Variants in IL12RB1 observed in about 807,000 individuals in gnomAD.
IL12RB1 encodes the protein interleukin 12 receptor subunit beta 1, also known as interleukin-12 receptor subunit beta-1.
In IL12RB1, 64 loss-of-function variants were observed where a neutral mutation model predicts 94.4. That is an observed-to-expected ratio of 0.68 (90% CI 0.55 to 0.83). IL12RB1 has a LOEUF of 0.83. IL12RB1 is among the 40% of genes least tolerant of loss of function. IL12RB1 has a pLI of 0.00. For synonymous variants in IL12RB1, 362 were observed against 355.5 expected (o/e 1.02, Z -0.21); for missense variants, 814 against 855.6 (o/e 0.95, Z 0.61).
At chr19:18,097,292 C>G (rs2037020684) in intron 1 of IL12RB1, among the ~76,000 whole-genome samples, 1 of 152,174 alleles carries the variant, frequency 6.6e-6, no homozygotes, top group Non-Finnish European at 1.5e-5. Flanking sequence ...ATTCTCCTGC[C>G]TCAGTCTTCT....
chr19:18,086,082 G>T (rs961974367), intron 1 of IL12RB1, among the ~76,000 whole-genome samples: 3 of 151,898 alleles, frequency 2.0e-5, no homozygotes, highest in Non-Finnish European at 4.4e-5. Context: ...AATTAACCAG[G>T]CATGGTAGTG....
In IL12RB1 at chr19:18,068,518, T is replaced by A; in HGVS notation, c.1198A>T (p.Ser400Cys). Residue 400 changes from serine (S) to cysteine (C), a missense_variant, in exon 11 of 17, where the codon AGC becomes TGC. Coordinates refer to ENST00000593993, the MANE Select transcript of IL12RB1 (RefSeq NM_005535.3). ...ATTGCCCCAGACTCTCGACTCCAGC[T>A]GTAGGTTGCTGGAAGGATAAGCAAA... The part of the protein sequence containing the change: ...DPDPAGMATY[S>C]WSRESGAMGQ... The A allele has an allele frequency of 1.2e-6, 2 of 1,612,060 alleles. No homozygotes were observed. Among genetic ancestry groups the A allele is most frequent in the African/African-American group, 1.3e-5 (1 of 74,902 alleles).
intron 9 of IL12RB1, 49 bp from the exon 10 acceptor site, chr19:18,069,762 C>T (rs1370010616): frequency 7.3e-7 from 1 of 1,373,112 alleles, no homozygotes; most frequent in Non-Finnish European, 1.0e-6. Context: ...ATCTCTCTCC[C>T]CAGTCCCCTT....
At chr19:18,078,943 G>A (rs1463690400) in intron 4 of IL12RB1, among the ~76,000 whole-genome samples, 2 of 152,042 alleles carry the variant, frequency 1.3e-5, no homozygotes, top group African/African-American at 4.8e-5. Flanking sequence ...GCCCACGCCT[G>A]TACTCGAAGC....
chr19:18,069,283 C>G (rs1352632912), intron 10 of IL12RB1, among the ~76,000 whole-genome samples: 1 of 152,206 alleles, frequency 6.6e-6, no homozygotes, highest in African/African-American at 2.4e-5. Context: ...TTAACAAACA[C>G]CTTGGGATGT....
chr19:18,070,503 A>T, intron 9 of IL12RB1: 1 of 983,942 alleles, frequency 1.0e-6, no homozygotes, highest in East Asian at 1.1e-4. Flanking sequence ...AATCTCTCCC[A>T]CTCCCTCCCG....
At chr19:18,075,239 T>C (rs1333093580) in intron 7 of IL12RB1, among the ~76,000 whole-genome samples, 1 of 150,390 alleles carries the variant, frequency 6.6e-6, no homozygotes, top group South Asian at 2.1e-4. Flanking sequence ...TTTTCCATTT[T>C]ATTTTATTAT....
At chr19:18,098,683 C>T (rs1300399077) in intron 1 of IL12RB1, 1 of 455,680 alleles carries the variant, frequency 2.2e-6, no homozygotes, top group Non-Finnish European at 4.4e-6. Flanking sequence ...GGCCATTTTC[C>T]TCTGGGACTT....
chr19:18,081,783 G>A (rs2035917862), intron 3 of IL12RB1, among the ~76,000 whole-genome samples: 1 of 151,830 alleles, frequency 6.6e-6, no homozygotes, highest in Admixed American at 6.6e-5. Context: ...TCATGCCACT[G>A]CACTCCAGCC....
At chr19:18,094,088 G>A (rs1268242202) in intron 1 of IL12RB1, among the ~76,000 whole-genome samples, 2 of 152,148 alleles carry the variant, frequency 1.3e-5, no homozygotes, top group Non-Finnish European at 2.9e-5. Context: ...AGTTAAATTG[G>A]AATTTCAGAC....
chr19:18,084,605 T>A (rs1203999523), intron 1 of IL12RB1, among the ~76,000 whole-genome samples: 1 of 149,122 alleles, frequency 6.7e-6, no homozygotes, highest in Non-Finnish European at 1.5e-5. Flanking sequence ...ACGTATTCAT[T>A]CATCCATACA....
At chr19:18,083,617 A>G in intron 1 of IL12RB1, 126 bp from the exon 2 acceptor site, 2 of 764,386 alleles carry the variant, frequency 2.6e-6, no homozygotes, top group Non-Finnish European at 4.3e-6. Context: ...CCATCTATGC[A>G]CCCTCCTACC....
upstream of IL12RB1, chr19:18,091,687 T>C (rs1260852005): frequency 6.6e-6 from 1 of 152,030 alleles, no homozygotes; most frequent in African/African-American, 2.4e-5. Context: ...GAGGGATCAT[T>C]TGAGGATGTT....
chr19:18,095,358 A>G (rs1220262997), intron 1 of IL12RB1, among the ~76,000 whole-genome samples: 1 of 152,242 alleles, frequency 6.6e-6, no homozygotes, highest in Admixed American at 6.6e-5. Flanking sequence ...ATGAAACGGA[A>G]TGAAGTACTG....
At chr19:18,094,844 G>A (rs530225921) in intron 1 of IL12RB1, among the ~76,000 whole-genome samples, 3 of 151,792 alleles carry the variant, frequency 2.0e-5, no homozygotes, top group East Asian at 2.0e-4. Context: ...ATATGACCCC[G>A]GAAGTCCATT....
chr19:18,086,931 G>A lies in IL12RB1; in HGVS notation c.-108C>T, dbSNP rs780851489. ...ACATTGAAGCTGAGCAAGGAGAAAA[G>A]ACTGAAAAAAAAGAAAAAAGAAAAA... is the stretch of plus-strand genomic sequence containing the variant. On this transcript the variant is annotated 5_prime_UTR_variant, in exon 1 of 17. Coordinates refer to ENST00000593993, the MANE Select transcript of IL12RB1 (RefSeq NM_005535.3). 12 of 1,551,092 alleles carry A rather than the reference G, an allele frequency of 7.7e-6. No individual in the cohort carries two copies. Among genetic ancestry groups the A allele is most frequent in the South Asian group, 3.5e-5 (3 of 84,688 alleles).
chr19:18,063,950 G>C lies in IL12RB1; in HGVS notation c.1544C>G (p.Ala515Gly). 1 of 1,612,808 alleles carries C rather than the reference G, an allele frequency of 6.2e-7. No individual in the cohort carries two copies. Among genetic ancestry groups the C allele is most frequent in the Non-Finnish European group, 8.5e-7 (1 of 1,179,050 alleles). Residue 515 changes from alanine to glycine, a missense_variant, in exon 13 of 17, where the codon GCC becomes GGC. By Grantham distance (60) the Ala-to-Gly change is moderately conservative. Coordinates refer to ENST00000593993, the MANE Select transcript of IL12RB1 (RefSeq NM_005535.3). Reference protein sequence around the residue: ...VTLSGLRAGVAYTVQVRADTA... With the variant: ...VTLSGLRAGVGYTVQVRADTA... ...GTCTGCTCGCACCTGCACCGTGTAG[G>C]CTACACCAGCCCGCAGGCCACTGAG...
Position 18,093,869 on chromosome 19 carries a change from C to A in IL12RB1, c.-229-3100G>T, listed in dbSNP as rs1053303964. The stretch of plus-strand genomic sequence containing the variant: ...CAGATAAAACACACGACTTCCCCAC[C>A]CCCATTGACTTCTGCCTTCTCAGGG... On this transcript the variant is annotated intron_variant, in intron 1 of 4. Coordinates refer to the IL12RB1 transcript ENST00000594176. 2.6e-5 allele frequency among the ~76,000 whole-genome samples: 4 copies of A among 152,096 alleles called. No homozygotes were observed. In the South Asian group the frequency reaches 8.3e-4, roughly 31 times the overall value.
intron 5 of IL12RB1, among the ~76,000 whole-genome samples, chr19:18,077,013 AT>A (rs1193834219): frequency 6.6e-6 from 1 of 152,110 alleles, no homozygotes; most frequent in East Asian, 1.9e-4. Context: ...ACCAGTTTAT[AT>A]AGTAACTTTT....
Sources: gnomAD v4.1 joint callset for allele counts (sites outside exome capture counted in the v4.1 genomes callset) on GRCh38, gnomAD v4.1.1 for gene constraint, MANE v1.5 for transcripts, NCBI Gene and HGNC (gene_info 2026-07-23, HGNC 2026-07-21) for gene names.